The following ADAMTS17 variants were observed in gnomAD, a reference collection of about 807,000 sequenced individuals.
ADAMTS17 encodes ADAM metallopeptidase with thrombospondin type 1 motif 17, also known as A disintegrin and metalloproteinase with thrombospondin motifs 17.
A neutral mutation model predicts 141.5 loss-of-function variants in ADAMTS17; 113 were observed. That is an observed-to-expected ratio of 0.80 (90% CI 0.69 to 0.93). The LOEUF (loss-of-function observed/expected upper bound fraction) is 0.93. Ranked by LOEUF, ADAMTS17 falls within the 40% of genes least tolerant of loss-of-function variation. ADAMTS17 has a pLI of 0.00. For synonymous variants in ADAMTS17, 768 were observed against 630.6 expected (o/e 1.22, Z -3.27); for missense variants, 1,659 against 1,517.9 (o/e 1.09, Z -1.54).
intron 4 of ADAMTS17, among the ~76,000 whole-genome samples, chr15:100,272,883 AT>A (rs1169401319): frequency 6.6e-6 from 1 of 151,982 alleles, no homozygotes; most frequent in African/African-American, 2.4e-5. Context: ...TTCCTAGTCT[AT>A]TGAGTGCTTT....
intron 3 of ADAMTS17, among the ~76,000 whole-genome samples, chr15:100,326,844 A>C (rs1172566203): frequency 6.6e-6 from 1 of 152,180 alleles, no homozygotes; most frequent in African/African-American, 2.4e-5. Context: ...CCTCTTGGTC[A>C]CCCTAAGCGG....
intron 15 of ADAMTS17, among the ~76,000 whole-genome samples, chr15:100,087,493 C>T (rs2035184836): frequency 6.6e-6 from 1 of 152,128 alleles, no homozygotes; most frequent in Non-Finnish European, 1.5e-5. Flanking sequence ...TTTTATGAGG[C>T]CAGCATCATC....
At chr15:100,172,154 C>T (rs1202376109) in intron 8 of ADAMTS17, among the ~76,000 whole-genome samples, 4 of 152,302 alleles carry the variant, frequency 2.6e-5, no homozygotes, top group Admixed American at 6.5e-5. Flanking sequence ...GCTCAATTTC[C>T]GCAAAGCATT....
chr15:99,997,623 T>G lies in ADAMTS17; in HGVS notation c.2592-34A>C, dbSNP rs746067605. Reference sequence around the variant, plus strand: ...CGGGAGGAAAGAGAGAGAGAACGACTGGGTGAGAGGCCAGCCTCTCCGGAG... The same window carrying G: ...CGGGAGGAAAGAGAGAGAGAACGACGGGGTGAGAGGCCAGCCTCTCCGGAG... On this transcript the variant is annotated intron_variant, in intron 18 of 21. Transcript: ENST00000268070. The surrounding 1 kb of genome is among the most constrained non-coding windows in gnomAD (Gnocchi z 4.7). 3.7e-6 allele frequency: 6 copies of G among 1,611,308 alleles called. No homozygotes were observed. The South Asian group carries it at 6.6e-5, about 18-fold the overall frequency.
chr15:100,253,436 G>A (rs1476904986), intron 7 of ADAMTS17, among the ~76,000 whole-genome samples: 1 of 16,434 alleles, frequency 6.1e-5, no homozygotes, highest in African/African-American at 3.2e-4. Context: ...GGAGGGGAAG[G>A]TAGAGGGGGA....
chr15:100,082,647 T>G (rs969909793), intron 15 of ADAMTS17, among the ~76,000 whole-genome samples: 1 of 152,140 alleles, frequency 6.6e-6, no homozygotes, highest in Non-Finnish European at 1.5e-5. Flanking sequence ...TTTTTTGTTT[T>G]CTGATTGTTC....
chr15:100,278,571 C>G (rs75163085), intron 4 of ADAMTS17, among the ~76,000 whole-genome samples: 14,261 of 152,166 alleles, frequency 0.094, 772 homozygotes, highest in African/African-American at 0.1. Flanking sequence ...GACATGAGGC[C>G]TCTACTCTGA....
chr15:100,130,623 T>C (rs1044409858), intron 12 of ADAMTS17, among the ~76,000 whole-genome samples: 1 of 152,088 alleles, frequency 6.6e-6, no homozygotes, highest in Non-Finnish European at 1.5e-5. Context: ...CCACCCTTAG[T>C]GTTCTGTGAT....
chr15:100,089,143 G>GA, intron 15 of ADAMTS17, among the ~76,000 whole-genome samples: 1 of 151,236 alleles, frequency 6.6e-6, no homozygotes, highest in Admixed American at 6.6e-5. Context: ...AAATCTACAA[G>GA]AAAAAAACAA....
chr15:100,194,964 A>G (rs1352938447), intron 8 of ADAMTS17, among the ~76,000 whole-genome samples: 1 of 152,220 alleles, frequency 6.6e-6, no homozygotes, highest in East Asian at 1.9e-4. Flanking sequence ...CCGGCTAAAA[A>G]CACTCACTTT....
rs529574204 is a variant in ADAMTS17, at chr15:100,064,311, T to G, written c.2138-10257A>C. On this transcript the variant is annotated intron_variant, in intron 15 of 21. Transcript: ENST00000268070. Reference sequence around the variant, plus strand: ...AGAAGGAACCAACCCTGCTGACACCTTGATCTCAGATTTCTCAACTCCAGA... The same window carrying G: ...AGAAGGAACCAACCCTGCTGACACCGTGATCTCAGATTTCTCAACTCCAGA... Among the ~76,000 whole-genome samples, 9 of 152,294 alleles carry G rather than the reference T, an allele frequency of 5.9e-5. No homozygotes were observed. The East Asian group carries it at 1.7e-3, about 29-fold the overall frequency.
At chr15:100,325,242 A>G (rs1478447521) in intron 3 of ADAMTS17, among the ~76,000 whole-genome samples, 1 of 151,976 alleles carries the variant, frequency 6.6e-6, no homozygotes, top group Non-Finnish European at 1.5e-5. Flanking sequence ...TATGCACCAC[A>G]CCCCTGCCCA....
At chr15:100,130,426 G>A (rs1023278097) in intron 12 of ADAMTS17, among the ~76,000 whole-genome samples, 1 of 151,950 alleles carries the variant, frequency 6.6e-6, no homozygotes, top group Non-Finnish European at 1.5e-5. Flanking sequence ...CACTCTGCTG[G>A]GTGCTAGAGG....
intron 15 of ADAMTS17, among the ~76,000 whole-genome samples, chr15:100,058,231 T>C (rs2032784640): frequency 6.3e-5 from 1 of 15,998 alleles, no homozygotes; most frequent in South Asian, 2.3e-3. Context: ...CCAACACTCC[T>C]ATCCCAGCTC....
chr15:100,084,421 G>C (rs916138710), intron 15 of ADAMTS17, among the ~76,000 whole-genome samples: 12 of 152,230 alleles, frequency 7.9e-5, no homozygotes, highest in African/African-American at 2.9e-4. Flanking sequence ...TGGGGGCAGG[G>C]CACAGACAAA....
At chr15:99,985,517 T>TG (rs1164409793) in intron 20 of ADAMTS17, among the ~76,000 whole-genome samples, 1 of 152,132 alleles carries the variant, frequency 6.6e-6, no homozygotes, top group African/African-American at 2.4e-5. Context: ...TCAAAGCCTT[T>TG]GGGGGAGCAG....
At chr15:100,145,661 A>G (rs768756237) in intron 10 of ADAMTS17, among the ~76,000 whole-genome samples, 1 of 152,180 alleles carries the variant, frequency 6.6e-6, no homozygotes, top group Admixed American at 6.5e-5. Context: ...TGAGAATTGT[A>G]TATGTTTATT....
chr15:100,247,518 C>T, intron 7 of ADAMTS17, among the ~76,000 whole-genome samples: 1 of 152,166 alleles, frequency 6.6e-6, no homozygotes, highest in East Asian at 1.9e-4. Context: ...ACACACCAAC[C>T]AGTGAGGACG....
At chr15:100,070,968 A>C (rs1166677680) in intron 15 of ADAMTS17, among the ~76,000 whole-genome samples, 2 of 150,334 alleles carry the variant, frequency 1.3e-5, no homozygotes, top group African/African-American at 2.5e-5. Context: ...GATTTTTGAA[A>C]AGATCAACAA....
Sources: allele counts gnomAD v4.1 joint callset (sites outside exome capture counted in the v4.1 genomes callset), GRCh38; gene constraint gnomAD v4.1.1; non-coding constraint Gnocchi (gnomAD v3.1); transcripts MANE v1.5; gene names NCBI Gene and HGNC (gene_info 2026-07-23, HGNC 2026-07-21).